CDKL5: variants seen among roughly 807,000 people sequenced by gnomAD.
CDKL5 encodes the protein cyclin dependent kinase like 5, also known as cyclin-dependent kinase-like 5.
CDKL5 carries 8 observed loss-of-function variants against 61.7 expected under a neutral mutation model. The ratio of observed to expected loss-of-function variants is 0.13; its 90% CI spans 0.08 to 0.23. CDKL5 has a LOEUF of 0.23. Ranked by LOEUF, CDKL5 falls within the 10% of genes least tolerant of loss-of-function variation. CDKL5 has a pLI of 1.00. For synonymous variants in CDKL5, 275 were observed against 272.3 expected, an observed-to-expected ratio of 1.01 and a Z score of -0.10; for missense variants, 440 against 734.5, an observed-to-expected ratio of 0.60 and a Z score of 4.63.
At chrX:18,429,149 C>G (rs749809331) in intron 1 of CDKL5, among the ~76,000 whole-genome samples, 9 of 111,355 alleles carry the variant, frequency 8.1e-5, no homozygotes, top group Non-Finnish European at 1.7e-4. Context: ...GGGTAAGGAC[C>G]TTCTACCTAG....
At chrX:18,562,052 C>T (rs753452916) in intron 3 of CDKL5, among the ~76,000 whole-genome samples, 49 of 111,784 alleles carry the variant, frequency 4.4e-4, no homozygotes, top group Non-Finnish European at 7.4e-4. Flanking sequence ...AACAAGTTCT[C>T]ATCCATGAAT....
chrX:18,467,687 G>A (rs1920974371), intron 1 of CDKL5, among the ~76,000 whole-genome samples: 1 of 111,820 alleles, frequency 8.9e-6, no homozygotes, highest in Non-Finnish European at 1.9e-5. Flanking sequence ...CAAATGCTAA[G>A]CAGCCTCAGT....
chrX:18,606,832 ATGTT>A (rs1185009130), intron 12 of CDKL5, among the ~76,000 whole-genome samples: 2 of 112,180 alleles, frequency 1.8e-5, no homozygotes, highest in African/African-American at 3.2e-5. Context: ...TGAAGAGAAT[ATGTT>A]TGGGATTAAG....
chrX:18,651,871 G>T (rs1187535089), intron 21 of CDKL5, among the ~76,000 whole-genome samples: 1 of 110,854 alleles, frequency 9.0e-6, no homozygotes, highest in Non-Finnish European at 1.9e-5. Flanking sequence ...TTCCTTCTGT[G>T]GGCCTGGTTG....
At chrX:18,558,282 C>T (rs1924672923) in intron 3 of CDKL5, among the ~76,000 whole-genome samples, 1 of 111,731 alleles carries the variant, frequency 9.0e-6, no homozygotes, top group Admixed American at 9.5e-5. Flanking sequence ...ACAAACTATG[C>T]CTATCTTGCT....
Position 18,629,452 on chromosome X carries a change from A to T in CDKL5, c.*695A>T. On this transcript the variant is annotated 3_prime_UTR_variant, in exon 18 of 18. Transcript: ENST00000623535. ...TTGCATCAGGAGTATTTTATTCTAT[A>T]TATAATATATATATATGGTAAATAT... is the stretch of plus-strand genomic sequence containing the variant. The T allele has an allele frequency of 1.9e-6, 1 of 528,273 alleles. No individual in the cohort carries two copies. The highest frequency in any genetic ancestry group is 2.3e-6 in the Non-Finnish European group (1 of 434,192). The allele number at this position is 528,273 out of a possible 1,213,427, so 43.5% of individuals were successfully genotyped here. A position where few individuals can be genotyped will look rare whatever the true frequency, so the allele number is the denominator to read the frequency against.
At chrX:18,645,929 G>A in intron 19 of CDKL5, 3 of 1,202,510 alleles carry the variant, frequency 2.5e-6, no homozygotes, top group Non-Finnish European at 3.4e-6. Context: ...GGGCAGAAGT[G>A]GCCAATAGAA....
chrX:18,510,749 A>G, intron 2 of CDKL5, 71 bp from the exon 3 acceptor site: 2 of 845,401 alleles, frequency 2.4e-6, no homozygotes, highest in Non-Finnish European at 3.6e-6. Context: ...AACACTGAGA[A>G]GCAATGTCAG....
chrX:18,650,288 G>A (rs1239124541), intron 20 of CDKL5: 26 of 628,434 alleles, frequency 4.1e-5, no homozygotes, highest in Admixed American at 4.0e-4. Context: ...CGTGGATGCT[G>A]TACTTACTCC....
chrX:18,647,424 G>T, intron 20 of CDKL5: 1 of 994,869 alleles, frequency 1.0e-6, no homozygotes, highest in Non-Finnish European at 1.4e-6. Flanking sequence ...CATCTGCTTT[G>T]CGCTTCGGAG....
rs1025802549 is a variant in CDKL5, at chrX:18,600,143, G to A, written c.977+1530G>A. Among the ~76,000 whole-genome samples the A allele has an allele frequency of 6.2e-5, 7 of 112,243 alleles. 1 individual carries two copies. The highest frequency in any genetic ancestry group is 1.3e-4 in the Non-Finnish European group (7 of 53,260). On this transcript the variant is annotated intron_variant, in intron 11 of 17. Coordinates refer to ENST00000623535, the MANE Select transcript of CDKL5 (RefSeq NM_001323289.2). The stretch of plus-strand genomic sequence containing the variant: ...TCAGATTTTTAAAAGCTCAAGATCT[G>A]GTACTATTTAGGTCTGGGAGAGCAT...
intron 9 of CDKL5, among the ~76,000 whole-genome samples, chrX:18,594,726 T>C (rs945468216): frequency 8.9e-6 from 1 of 112,809 alleles, no homozygotes; most frequent in African/African-American, 3.2e-5. Flanking sequence ...TAAAACTGAA[T>C]TGTTTATAAT....
chrX:18,509,201 A>ACACACACG (rs1922721530), intron 2 of CDKL5, among the ~76,000 whole-genome samples: 2 of 61,603 alleles, frequency 3.2e-5, no homozygotes, highest in South Asian at 2.0e-3. Flanking sequence ...AAACACGCAC[A>ACACACACG]CACACACACA....
chrX:18,445,527 A>G, intron 1 of CDKL5, among the ~76,000 whole-genome samples: 1 of 111,975 alleles, frequency 8.9e-6, no homozygotes, highest in Middle Eastern at 4.6e-3. Context: ...CAGGCAACTG[A>G]TAATACTTTG....
chrX:18,614,184 G>A (rs1313498935), intron 15 of CDKL5, among the ~76,000 whole-genome samples: 2 of 112,015 alleles, frequency 1.8e-5, no homozygotes, highest in African/African-American at 3.2e-5. Flanking sequence ...CTGACTCCAT[G>A]TGATGTCACA....
intron 17 of CDKL5, chrX:18,626,723 TC>T (rs1485757216): frequency 2.4e-4 from 4 of 16,545 alleles, no homozygotes; most frequent in African/African-American, 7.0e-4. Context: ...TCTCTCTCTC[TC>T]CCCCCTCTCT....
chrX:18,509,081 A>G (rs1922692378), intron 2 of CDKL5, among the ~76,000 whole-genome samples: 1 of 100,687 alleles, frequency 9.9e-6, no homozygotes, highest in African/African-American at 3.7e-5. Context: ...AGAGAGCGAG[A>G]CTGTCTCAAA....
At chrX:18,646,220 C>A in intron 20 of CDKL5, 1 of 1,014,097 alleles carries the variant, frequency 9.9e-7, no homozygotes, top group Non-Finnish European at 1.3e-6. Flanking sequence ...GGCACACAAT[C>A]TCGGCTCACT....
At chrX:18,585,749 A>C (rs1232762335) in intron 8 of CDKL5, among the ~76,000 whole-genome samples, 1 of 112,205 alleles carries the variant, frequency 8.9e-6, no homozygotes, top group Admixed American at 9.4e-5. Flanking sequence ...CCACCCAAAA[A>C]CAGATAATTT....
Sources: gnomAD v4.1 joint callset for allele counts (sites outside exome capture counted in the v4.1 genomes callset) on GRCh38, gnomAD v4.1.1 for gene constraint, MANE v1.5 for transcripts, NCBI Gene and HGNC (gene_info 2026-07-23, HGNC 2026-07-21) for gene names.